The following PSTK variants were observed in gnomAD, a reference collection of about 807,000 sequenced individuals.
PSTK encodes L-seryl-tRNA(Sec) kinase.
Under a neutral mutation model 38.6 loss-of-function variants are expected in PSTK, and 26 were observed. The ratio of observed to expected loss-of-function variants is 0.67; its 90% CI spans 0.49 to 0.94. The LOEUF (loss-of-function observed/expected upper bound fraction) is 0.94. Ranked by LOEUF, PSTK falls within the 40% of genes least tolerant of loss-of-function variation. PSTK has a pLI of 0.00. For synonymous variants in PSTK, 181 were observed against 161.7 expected, an observed-to-expected ratio of 1.12 and a Z score of -0.91; for missense variants, 445 against 436.3, an observed-to-expected ratio of 1.02 and a Z score of -0.18.
At chr10:122,985,209 G>A (rs1849018281) in intron 3 of PSTK, 1 of 152,354 alleles carries the variant, frequency 6.6e-6, no homozygotes, top group Non-Finnish European at 1.5e-5. Flanking sequence ...CGAACACAAG[G>A]AGCATGTTCT....
At chr10:122,988,473 G>T (rs1849065592) in intron 5 of PSTK, among the ~76,000 whole-genome samples, 10 of 152,188 alleles carry the variant, frequency 6.6e-5, no homozygotes, top group Admixed American at 2.0e-4. Context: ...TAAAAATTCA[G>T]TTCCTCTACC....
Position 122,980,828 on chromosome 10 carries a change from T to C in PSTK, c.216+133T>C. On this transcript the variant is annotated intron_variant, in intron 1 of 5. Coordinates refer to ENST00000406217, the MANE Select transcript of PSTK (RefSeq NM_001363531.2). The surrounding 1 kb of genome is among the most constrained non-coding windows in gnomAD (Gnocchi z 4.3). The stretch of plus-strand genomic sequence containing the variant: ...CATTGCTTGGTGTGGGAGGTGAAGT[T>C]CGAGAAAAGTGGAGCTGGGTTAACA... The C allele has an allele frequency of 4.7e-6, 6 of 1,290,172 alleles. No individual in the cohort carries two copies. Among genetic ancestry groups the C allele is most frequent in the Non-Finnish European group, 5.9e-6 (6 of 1,024,332 alleles). The allele number at this position is 1,290,172 out of a possible 1,614,324, so 79.9% of individuals were successfully genotyped here.
In PSTK at chr10:122,986,287, AT is replaced by A. The variant is rs769803409; in HGVS notation, c.708-9del. On this transcript the variant is annotated splice_polypyrimidine_tract_variant and intron_variant, in intron 3 of 5. Coordinates refer to ENST00000406217, the MANE Select transcript of PSTK (RefSeq NM_001363531.2). The stretch of plus-strand genomic sequence containing the variant: ...ATAAGGATCTATTGTATTTTATCCC[AT>A]TTTCTCTGTAGCCTGGAAGTGACTG... 6.4e-7 allele frequency: 1 copy of A among 1,558,724 alleles called. No homozygotes were observed. The highest frequency in any genetic ancestry group is 8.7e-7 in the Non-Finnish European group (1 of 1,146,650).
At position 122,990,285 on chromosome 10, in the gene PSTK, A is replaced by C. The variant is rs1849114410; in HGVS notation, c.989A>C (p.Gln330Pro). The C allele has an allele frequency of 6.5e-7, 1 of 1,539,200 alleles. No homozygotes were observed. The highest frequency in any genetic ancestry group is 1.4e-5 in the African/African-American group (1 of 72,330). Reference sequence around the variant, plus strand: ...GGAAACAAAAAATATCTGTGCTTTCAGCAAACCATTGACATACCAGATGTC... The same window carrying C: ...GGAAACAAAAAATATCTGTGCTTTCCGCAAACCATTGACATACCAGATGTC... ...KQGNKKYLCF[Q>P]QTIDIPDVIS... Residue 330 changes from glutamine to proline, a missense_variant, in exon 6 of 6, where the codon CAG becomes CCG. Physicochemically the swap from Gln to Pro is moderately conservative, Grantham distance 76 (BLOSUM62 -1). Coordinates refer to ENST00000406217, the MANE Select transcript of PSTK (RefSeq NM_001363531.2).
intron 3 of PSTK, chr10:122,984,411 A>C (rs745718545): frequency 1.3e-5 from 2 of 152,234 alleles, no homozygotes; most frequent in Non-Finnish European, 1.5e-5. Flanking sequence ...GATTACGAGC[A>C]TGAGCTATCA....
rs1589708404 is a variant in PSTK at position 122,986,544 on chromosome 10, G to A, written c.783+169G>A. 4 of 627,254 alleles carry A rather than the reference G, an allele frequency of 6.4e-6. No individual in the cohort carries two copies. The East Asian group carries it at 1.1e-4, about 17-fold the overall frequency. The allele number at this position is 627,254 out of a possible 1,614,324, so 38.9% of individuals were successfully genotyped here. ...TCATGCCGGCTGGGCAAAGCCGATT[G>A]TTAAACTTTCAAAAGTGTTGGAGCC... On this transcript the variant is annotated intron_variant, in intron 4 of 5. Coordinates refer to ENST00000406217, the MANE Select transcript of PSTK (RefSeq NM_001363531.2).
intron 3 of PSTK, chr10:122,983,953 C>A (rs1487634022): frequency 6.5e-6 from 1 of 153,574 alleles, no homozygotes; most frequent in Admixed American, 6.5e-5. Context: ...ATATTTCTAG[C>A]AGAAACTTCG....
chr10:122,987,598 A>G, intron 5 of PSTK: 1 of 1,484,162 alleles, frequency 6.7e-7, no homozygotes, highest in Non-Finnish European at 9.0e-7. Flanking sequence ...TTTATATAAT[A>G]GATGAAATAT....
intron 5 of PSTK, chr10:122,987,625 T>G: frequency 6.5e-6 from 9 of 1,376,818 alleles, no homozygotes. Flanking sequence ...ACTAGAGTTT[T>G]ACACAGTAAT....
intron 5 of PSTK, among the ~76,000 whole-genome samples, chr10:122,989,237 A>G (rs796616765): frequency 2.1e-4 from 32 of 151,786 alleles, no homozygotes; most frequent in African/African-American, 7.0e-4. Flanking sequence ...GATGATAGCT[A>G]AAGGATATGG....
At chr10:122,986,228 C>CA (rs544540038) in intron 3 of PSTK, 72 bp from the exon 4 acceptor site, 66,046 of 600,104 alleles carry the variant, frequency 0.11, 263 homozygotes, top group African/African-American at 0.17. Flanking sequence ...GACTCCATCT[C>CA]AAAAAAAAAA....
chr10:122,990,085 TGTTTA>T (rs1849109928), intron 5 of PSTK, 84 bp from the exon 6 acceptor site: 5 of 853,228 alleles, frequency 5.9e-6, no homozygotes, highest in Non-Finnish European at 9.0e-6. Context: ...CTAACTGGTT[TGTTTA>T]ATCAAATTAA....
chr10:122,989,847 ATTTCTGCTTTTTTGCC>A (rs1398763969), intron 5 of PSTK, among the ~76,000 whole-genome samples: 2 of 152,190 alleles, frequency 1.3e-5, no homozygotes, highest in Non-Finnish European at 2.9e-5. Context: ...ATTGTCATCT[ATTTCTGCTTTTTTGCC>A]TTTCTGCTTA....
chr10:122,985,008 G>A (rs1200217435), intron 3 of PSTK: 5 of 152,246 alleles, frequency 3.3e-5, no homozygotes, highest in African/African-American at 9.6e-5. Flanking sequence ...TCTTTTCAGT[G>A]TGAGGAAGAT....
rs1430129819 is a variant in PSTK at position 122,982,547 on chromosome 10, T to C, written c.217-186T>C. Reference sequence around the variant, plus strand: ...CTGAGAAAGCTTTACACAGCACTAGTAACATTAGTTTTCCAGGCAGAAGGA... The same window carrying C: ...CTGAGAAAGCTTTACACAGCACTAGCAACATTAGTTTTCCAGGCAGAAGGA... On this transcript the variant is annotated intron_variant, in intron 1 of 5. Transcript: ENST00000406217. The C allele has an allele frequency of 5.0e-6, 3 of 599,394 alleles. No individual in the cohort carries two copies. The African/African-American group carries it at 5.6e-5, about 11-fold the overall frequency. 37.1% of individuals were successfully genotyped at this position (599,394 alleles called of 1,614,324 possible).
Position 122,982,721 on chromosome 10 carries a change from G to A in PSTK, c.217-12G>A. On this transcript the variant is annotated splice_polypyrimidine_tract_variant and intron_variant, in intron 1 of 5. Transcript: ENST00000406217. ...GGCCTAATATGAATTGCAATTCTTT[G>A]GTCTCTTGTAGCCATCCCAATGGAA... 1 of 1,611,666 alleles carries A rather than the reference G, an allele frequency of 6.2e-7. No individual in the cohort carries two copies. Among genetic ancestry groups the A allele is most frequent in the South Asian group, 1.1e-5 (1 of 90,972 alleles).
At chr10:122,987,025 C>A in intron 5 of PSTK, 63 bp downstream of exon 5, 2 of 1,073,692 alleles carry the variant, frequency 1.9e-6, no homozygotes, top group South Asian at 1.3e-5. Flanking sequence ...TACTGTTATT[C>A]CCGACACTCA....
At chr10:122,987,512 G>T (rs550825337) in intron 5 of PSTK, 1 of 1,611,506 alleles carries the variant, frequency 6.2e-7, no homozygotes, top group East Asian at 2.2e-5. Flanking sequence ...GAGGTAAGAA[G>T]GGGGGAAAGG....
In PSTK at chr10:122,980,857, T is replaced by C. The variant is rs1848951511; in HGVS notation, c.216+162T>C. 1.0e-6 allele frequency: 1 copy of C among 978,874 alleles called. No individual in the cohort carries two copies. Among genetic ancestry groups the C allele is most frequent in the African/African-American group, 1.8e-5 (1 of 57,116 alleles). The allele number at this position is 978,874 out of a possible 1,614,324, so 60.6% of individuals were successfully genotyped here. On this transcript the variant is annotated intron_variant, in intron 1 of 5. Transcript: ENST00000406217. This position sits in a 1 kb window ranked among gnomAD's most constrained non-coding sequence, Gnocchi z 4.3. ...GAAAAGTGGAGCTGGGTTAACATAG[T>C]TACTGCAGAGGGTGAATGCGTTGGC...
Sources: allele counts gnomAD v4.1 joint callset (sites outside exome capture counted in the v4.1 genomes callset), GRCh38; gene constraint gnomAD v4.1.1; non-coding constraint Gnocchi (gnomAD v3.1); transcripts MANE v1.5; gene names NCBI Gene and HGNC (gene_info 2026-07-23, HGNC 2026-07-21).